The following RBFOX1 variants were observed in gnomAD, a reference collection of about 807,000 sequenced individuals.
The protein encoded by RBFOX1 is RNA binding fox-1 homolog 1.
A neutral mutation model predicts 57.7 loss-of-function variants in RBFOX1; 8 were observed. The ratio of observed to expected loss-of-function variants is 0.14; its 90% CI spans 0.08 to 0.25. The LOEUF is 0.25. Ranked by LOEUF, RBFOX1 falls within the 10% of genes least tolerant of loss-of-function variation. RBFOX1 has a pLI of 1.00. For synonymous variants in RBFOX1, 326 were observed against 222.4 expected, an observed-to-expected ratio of 1.47 and a Z score of -4.15; for missense variants, 611 against 548.5, an observed-to-expected ratio of 1.11 and a Z score of -1.14.
At chr16:7,103,858 T>G (rs989242805) in intron 4 of RBFOX1, among the ~76,000 whole-genome samples, 2 of 152,182 alleles carry the variant, frequency 1.3e-5, no homozygotes, top group African/African-American at 4.8e-5. Context: ...TACTATTACC[T>G]AGTGATACCA....
intron 2 of RBFOX1, among the ~76,000 whole-genome samples, chr16:5,587,834 T>G (rs140963753): frequency 6.6e-6 from 1 of 152,226 alleles, no homozygotes; most frequent in East Asian, 1.9e-4. Flanking sequence ...AGTTGTCGTA[T>G]AAGCCAGAAA....
intron 4 of RBFOX1, among the ~76,000 whole-genome samples, chr16:7,296,672 A>G (rs1368113869): frequency 1.3e-5 from 2 of 152,210 alleles, no homozygotes; most frequent in Admixed American, 6.5e-5. Context: ...TTTTGCTGCA[A>G]TGAATAGGCT....
chr16:7,001,600 G>T (rs1043784027), intron 3 of RBFOX1, among the ~76,000 whole-genome samples: 1 of 152,038 alleles, frequency 6.6e-6, no homozygotes, highest in Admixed American at 6.6e-5. Flanking sequence ...GGGATTACAG[G>T]CACGTGCCAT....
At chr16:7,529,203 G>C (rs941231424) in intron 5 of RBFOX1, among the ~76,000 whole-genome samples, 1 of 152,176 alleles carries the variant, frequency 6.6e-6, no homozygotes, top group African/African-American at 2.4e-5. Context: ...GGAGCTTACA[G>C]TGAGCTGAGA....
intron 4 of RBFOX1, among the ~76,000 whole-genome samples, chr16:5,985,284 G>C (rs932409954): frequency 1.3e-5 from 2 of 151,396 alleles, no homozygotes; most frequent in African/African-American, 4.9e-5. Flanking sequence ...GAGTCATCAT[G>C]TCCGGCCAAC....
intron 2 of RBFOX1, among the ~76,000 whole-genome samples, chr16:5,574,826 C>A (rs1381477142): frequency 3.3e-5 from 5 of 152,180 alleles, no homozygotes; most frequent in Non-Finnish European, 4.4e-5. Context: ...TTTGTTGTCT[C>A]ATTTTGCAAG....
chr16:6,185,618 G>A (rs1318838536), intron 1 of RBFOX1, among the ~76,000 whole-genome samples: 3 of 152,172 alleles, frequency 2.0e-5, no homozygotes, highest in Admixed American at 6.5e-5. Context: ...TGTACACAGA[G>A]CATTTAAAAA....
At chr16:6,488,486 C>T (rs1268416305) in intron 2 of RBFOX1, among the ~76,000 whole-genome samples, 2 of 152,166 alleles carry the variant, frequency 1.3e-5, no homozygotes, top group South Asian at 2.1e-4. Context: ...TGTATTTTCT[C>T]TGTTCTTACA....
At position 5,325,562 on chromosome 16, in the gene RBFOX1, C is replaced by G. The variant is rs538697438; in HGVS notation, c.219+85457C>G. ...GGGTAAAGAACAGCTCCATCCACCC[C>G]CAAACACTACCCTGTGATAGCCCTC... On this transcript the variant is annotated intron_variant, in intron 1 of 2. Transcript: ENST00000585867. 2.0e-5 allele frequency among the ~76,000 whole-genome samples: 3 copies of G among 152,294 alleles called. No homozygotes were observed. In the South Asian group the frequency reaches 6.2e-4, roughly 32 times the overall value.
At chr16:7,175,761 T>C (rs1317120434) in intron 4 of RBFOX1, among the ~76,000 whole-genome samples, 1 of 152,186 alleles carries the variant, frequency 6.6e-6, no homozygotes, top group African/African-American at 2.4e-5. Flanking sequence ...TTTGATAAAA[T>C]GTCTTCCTCT....
chr16:7,686,355 T>TA (rs1262328550), intron 14 of RBFOX1, among the ~76,000 whole-genome samples: 7 of 152,052 alleles, frequency 4.6e-5, no homozygotes, highest in South Asian at 2.1e-4. Context: ...TATCCTATCC[T>TA]TCTTTTTCAA....
chr16:5,786,727 C>T (rs756136387), intron 3 of RBFOX1, among the ~76,000 whole-genome samples: 11 of 152,198 alleles, frequency 7.2e-5, no homozygotes, highest in Non-Finnish European at 1.0e-4. Flanking sequence ...ATACTCATTA[C>T]AGCCATTTCA....
At chr16:6,241,548 G>A (rs2097540056) in intron 1 of RBFOX1, among the ~76,000 whole-genome samples, 1 of 152,304 alleles carries the variant, frequency 6.6e-6, no homozygotes, top group East Asian at 1.9e-4. Flanking sequence ...GCAATACACA[G>A]TTAGATGGTA....
intron 1 of RBFOX1, among the ~76,000 whole-genome samples, chr16:6,308,521 C>T (rs376316111): frequency 6.6e-6 from 1 of 152,222 alleles, no homozygotes; most frequent in Non-Finnish European, 1.5e-5. Context: ...TGCTGAGTGA[C>T]AGGGTTGCCT....
At chr16:6,772,203 C>G (rs115904963) in intron 3 of RBFOX1, among the ~76,000 whole-genome samples, 2,812 of 152,120 alleles carry the variant, frequency 0.018, 59 homozygotes, top group African/African-American at 0.057. Flanking sequence ...GTGAGCCTCC[C>G]AAGTAGAAGT....
intron 3 of RBFOX1, among the ~76,000 whole-genome samples, chr16:6,934,698 G>A (rs1323310011): frequency 7.7e-6 from 1 of 130,282 alleles, no homozygotes; most frequent in African/African-American, 4.3e-5. Flanking sequence ...ATATGATCTC[G>A]AGATTTTTTT....
chr16:7,421,810 A>G (rs535035520), intron 4 of RBFOX1, among the ~76,000 whole-genome samples: 29 of 152,306 alleles, frequency 1.9e-4, no homozygotes, highest in African/African-American at 7.0e-4. Context: ...CAAAATAATG[A>G]TGGGGCACTG....
At chr16:6,304,397 A>G (rs2079199157) in intron 1 of RBFOX1, among the ~76,000 whole-genome samples, 1 of 152,094 alleles carries the variant, frequency 6.6e-6, no homozygotes, top group South Asian at 2.1e-4. Context: ...GTGAGCTCCC[A>G]GATTACTGTA....
At chr16:7,367,170 C>T (rs1183206018) in intron 4 of RBFOX1, among the ~76,000 whole-genome samples, 1 of 151,986 alleles carries the variant, frequency 6.6e-6, no homozygotes, top group Non-Finnish European at 1.5e-5. Context: ...GTGGTGTTGG[C>T]AATGACACTC....
Sources: allele counts gnomAD v4.1 joint callset (sites outside exome capture counted in the v4.1 genomes callset), GRCh38; gene constraint gnomAD v4.1.1; transcripts MANE v1.5; gene names NCBI Gene and HGNC (gene_info 2026-07-23, HGNC 2026-07-21).